Variants in OSBPL9 observed in about 807,000 individuals in gnomAD.
OSBPL9 encodes the protein oxysterol binding protein like 9.
In OSBPL9, 40 loss-of-function variants were observed where a neutral mutation model predicts 106.6. The ratio of observed to expected loss-of-function variants is 0.38; its 90% CI spans 0.29 to 0.49. OSBPL9 has a LOEUF of 0.49. OSBPL9 is among the 20% of genes least tolerant of loss of function. OSBPL9 has a pLI of 0.97. For missense variants in OSBPL9, 609 were observed against 887.2 expected (o/e 0.69, Z 3.98); for synonymous variants, 269 against 295.4 (o/e 0.91, Z 0.92).
At chr1:51,762,920 T>A (rs1366750053) in intron 11 of OSBPL9, among the ~76,000 whole-genome samples, 2 of 152,240 alleles carry the variant, frequency 1.3e-5, no homozygotes, top group African/African-American at 2.4e-5. Context: ...AGAAAACATT[T>A]ATCAGTCTTT....
intron 3 of OSBPL9, among the ~76,000 whole-genome samples, chr1:51,670,413 T>A (rs1386284495): frequency 1.3e-5 from 2 of 152,244 alleles, no homozygotes; most frequent in African/African-American, 4.8e-5. Context: ...AAATAAATAT[T>A]AAATACATTT....
intron 8 of OSBPL9, among the ~76,000 whole-genome samples, chr1:51,754,391 A>C (rs1557809019): frequency 6.6e-6 from 1 of 152,246 alleles, no homozygotes; most frequent in Non-Finnish European, 1.5e-5. Flanking sequence ...ACAGTATTTC[A>C]ATACAATTAA....
chr1:51,579,752 C>T (rs1370752280), intron 1 of OSBPL9, among the ~76,000 whole-genome samples: 2 of 151,558 alleles, frequency 1.3e-5, no homozygotes, highest in African/African-American at 2.4e-5. Context: ...TCCCAGCTAC[C>T]TTGAGGTGGG....
chr1:51,579,970 G>T (rs1270434313), intron 1 of OSBPL9, among the ~76,000 whole-genome samples: 1 of 152,034 alleles, frequency 6.6e-6, no homozygotes, highest in African/African-American at 2.4e-5. Flanking sequence ...TAGTGTTTCT[G>T]TCTCCACCGT....
chr1:51,643,789 A>G (rs961393771), intron 1 of OSBPL9, among the ~76,000 whole-genome samples: 3 of 152,042 alleles, frequency 2.0e-5, no homozygotes, highest in African/African-American at 7.3e-5. Context: ...AAGAATTAGA[A>G]GGTGATACAG....
At chr1:51,773,393 A>C (rs1674368608) in intron 14 of OSBPL9, among the ~76,000 whole-genome samples, 1 of 152,008 alleles carries the variant, frequency 6.6e-6, no homozygotes, top group Non-Finnish European at 1.5e-5. Context: ...CCCTCCTTTC[A>C]CTTAATTCTC....
chr1:51,552,000 T>TG, the OSBPL9 span, among the ~76,000 whole-genome samples: 6 of 151,700 alleles, frequency 4.0e-5, no homozygotes, highest in African/African-American at 9.7e-5. Context: ...TGTGTGTGTG[T>TG]TTAGTTTGTT....
At chr1:51,660,994 AT>A (rs1385657600) in intron 2 of OSBPL9, among the ~76,000 whole-genome samples, 4 of 152,208 alleles carry the variant, frequency 2.6e-5, no homozygotes, top group African/African-American at 4.8e-5. Flanking sequence ...CTTAAAAAAA[AT>A]TTTTTTTAAA....
At chr1:51,541,768 G>A in the OSBPL9 span, among the ~76,000 whole-genome samples, 19 of 152,328 alleles carry the variant, frequency 1.2e-4, no homozygotes, top group Middle Eastern at 3.4e-3. Flanking sequence ...TCACTTAAGG[G>A]CTGGGCTTCC....
chr1:51,708,548 G>A (rs1659123138), intron 3 of OSBPL9, among the ~76,000 whole-genome samples: 1 of 152,118 alleles, frequency 6.6e-6, no homozygotes, highest in Non-Finnish European at 1.5e-5. Context: ...TGCAAGTGAT[G>A]TAACGTGTCA....
In OSBPL9 at chr1:51,669,539, C is replaced by T. The variant is rs748755815; in HGVS notation, c.241+27C>T. On this transcript the variant is annotated intron_variant, in intron 3 of 23. Transcript: ENST00000428468. The stretch of plus-strand genomic sequence containing the variant: ...TGAGCTGAAAGAAGAGATTCTTTCT[C>T]TTCATAGTCCCATCTGCTTCTTTTC... 7 of 1,599,006 alleles carry T rather than the reference C, an allele frequency of 4.4e-6. No individual in the cohort carries two copies. The Admixed American group carries it at 1.0e-4, about 23-fold the overall frequency.
chr1:51,654,295 C>T (rs1646693335), intron 2 of OSBPL9, among the ~76,000 whole-genome samples: 1 of 152,188 alleles, frequency 6.6e-6, no homozygotes. Context: ...CACCCATTAA[C>T]TCACTGAGGG....
Position 51,783,931 on chromosome 1 carries a change from T to C in OSBPL9, c.1530T>C (p.Ala510=), listed in dbSNP as rs1571781650. The change falls in exon 18 of 24, where the codon GCT becomes GCC. Residue 510 remains alanine (A), a synonymous_variant. Transcript: ENST00000428468. ...SHHPPISAFY[A]ECFNKKIQFN... is the part of the protein sequence containing the mutation. ...TCTATTCAGTTTCAGCCTTTTATGCTGAGTGTTTTAACAAGAAGATACAAT... is the reference window on the plus strand; with the variant it reads ...TCTATTCAGTTTCAGCCTTTTATGCCGAGTGTTTTAACAAGAAGATACAAT... The C allele has an allele frequency of 6.2e-7, 1 of 1,613,292 alleles. No homozygotes were observed. Among genetic ancestry groups the C allele is most frequent in the Non-Finnish European group, 8.5e-7 (1 of 1,179,224 alleles).
Position 51,788,771 on chromosome 1 carries a change from A to ATAGAT in OSBPL9, c.*983_*987dup, listed in dbSNP as rs1678305118. ...CCCACCCCACAGTGAACAAAAATAG[A>ATAGAT]TAGATAGATAGAATAAAATGAATGC... is the stretch of plus-strand genomic sequence containing the variant. On this transcript the variant is annotated 3_prime_UTR_variant, in exon 24 of 24. Coordinates refer to ENST00000428468, the MANE Select transcript of OSBPL9 (RefSeq NM_024586.6). Among the ~76,000 whole-genome samples the ATAGAT allele has an allele frequency of 6.6e-6, 1 of 150,974 alleles. No homozygotes were observed. The highest frequency in any genetic ancestry group is 1.9e-4 in the East Asian group (1 of 5,178).
upstream of OSBPL9, among the ~76,000 whole-genome samples, chr1:51,613,402 T>G (rs950484835): frequency 3.3e-5 from 5 of 152,256 alleles, no homozygotes; most frequent in African/African-American, 4.8e-5. Context: ...TGTGTTTATA[T>G]GGACTCAGAT....
rs191161125 is a variant in OSBPL9 at position 51,696,398 on chromosome 1, A to G, written c.242-17605A>G. Among the ~76,000 whole-genome samples, 104 of 152,322 alleles carry G rather than the reference A, an allele frequency of 6.8e-4. 1 individual carries two copies. Among genetic ancestry groups the G allele is most frequent in the South Asian group, 1.2e-3 (6 of 4,830 alleles). On this transcript the variant is annotated intron_variant, in intron 3 of 23. Coordinates refer to ENST00000428468, the MANE Select transcript of OSBPL9 (RefSeq NM_024586.6). ...ACTCAGTGACTGAGCACAGTCCTCT[A>G]AAAACAACAACAACAACAACAACAA...
intron 2 of OSBPL9, among the ~76,000 whole-genome samples, chr1:51,610,234 G>T (rs946564523): frequency 6.6e-6 from 1 of 151,504 alleles, no homozygotes; most frequent in African/African-American, 2.4e-5. Context: ...CTCTCAAAAA[G>T]GAACTGATAT....
At chr1:51,524,119 C>T in the OSBPL9 span, among the ~76,000 whole-genome samples, 4 of 152,126 alleles carry the variant, frequency 2.6e-5, no homozygotes, top group African/African-American at 4.8e-5. Flanking sequence ...CATCATTGTT[C>T]GCGTTTGCCC....
rs1659580288 is a variant in OSBPL9, at chr1:51,710,516, T to C, written c.242-3487T>C. On this transcript the variant is annotated intron_variant, in intron 3 of 23. Coordinates refer to ENST00000428468, the MANE Select transcript of OSBPL9 (RefSeq NM_024586.6). ...TCCTACCACCTTCCATCAGGCATTG[T>C]TTATGCCTAGAAAAGAATACTTTTT... Among the ~76,000 whole-genome samples, 3 of 152,372 alleles carry C rather than the reference T, an allele frequency of 2.0e-5. No individual in the cohort carries two copies. In the South Asian group the frequency reaches 6.2e-4, roughly 32 times the overall value.
Sources: gnomAD v4.1 joint callset for allele counts (sites outside exome capture counted in the v4.1 genomes callset) on GRCh38, gnomAD v4.1.1 for gene constraint, MANE v1.5 for transcripts, NCBI Gene and HGNC (gene_info 2026-07-23, HGNC 2026-07-21) for gene names.